Variants in ECHDC1 observed in about 807,000 individuals in gnomAD.
ECHDC1 encodes the protein ethylmalonyl-CoA decarboxylase 1, also known as ethylmalonyl-CoA decarboxylase.
ECHDC1 carries 29 observed loss-of-function variants against 29.7 expected under a neutral mutation model. The observed-to-expected ratio is 0.98, with a 90% confidence interval of 0.73 to 1.33. ECHDC1 has a LOEUF of 1.33. Ranked by LOEUF, ECHDC1 falls within the 40% of genes most tolerant of loss-of-function variation. The pLI is 0.00. For synonymous variants in ECHDC1, 126 were observed against 123.1 expected (o/e 1.02, Z -0.15); for missense variants, 328 against 350.0 (o/e 0.94, Z 0.50).
At chr6:127,324,687 T>C (rs1355205327) in intron 3 of ECHDC1, among the ~76,000 whole-genome samples, 1 of 152,080 alleles carries the variant, frequency 6.6e-6, no homozygotes, top group East Asian at 1.9e-4. Context: ...TACTAGAAAG[T>C]AAGGGAGTAC....
Position 127,289,752 on chromosome 6 carries a change from T to C in ECHDC1, c.*117A>G. On this transcript the variant is annotated 3_prime_UTR_variant, in exon 6 of 6. Transcript: ENST00000454859. ...AGATATTCAAATGATTAAAAGTAAG[T>C]CTGCATATTAATAGTAGCCTTCAAA... 9.7e-7 allele frequency: 1 copy of C among 1,028,686 alleles called. No homozygotes were observed. The allele number at this position is 1,028,686 out of a possible 1,614,324, so 63.7% of individuals were successfully genotyped here.
chr6:127,306,479 C>T (rs549417966), intron 5 of ECHDC1, among the ~76,000 whole-genome samples: 1 of 152,156 alleles, frequency 6.6e-6, no homozygotes, highest in Admixed American at 6.5e-5. Flanking sequence ...GGCAGCCTTC[C>T]CCCTTGGTGT....
intron 3 of ECHDC1, among the ~76,000 whole-genome samples, chr6:127,321,092 T>TA: frequency 6.6e-6 from 1 of 152,256 alleles, no homozygotes; most frequent in East Asian, 1.9e-4. Flanking sequence ...ATTTTTATGA[T>TA]AAAAAAGCCA....
At chr6:127,323,794 T>G (rs1783054319) in intron 3 of ECHDC1, among the ~76,000 whole-genome samples, 1 of 152,160 alleles carries the variant, frequency 6.6e-6, no homozygotes, top group South Asian at 2.1e-4. Context: ...TTCATTTCCT[T>G]CCTTTCTTTT....
chr6:127,305,026 C>T (rs1246691599), intron 5 of ECHDC1, among the ~76,000 whole-genome samples: 2 of 152,046 alleles, frequency 1.3e-5, no homozygotes, highest in African/African-American at 4.8e-5. Flanking sequence ...GCTTCCAACA[C>T]CTAGAGATAG....
At chr6:127,310,886 C>T (rs965857842) in intron 5 of ECHDC1, among the ~76,000 whole-genome samples, 1 of 151,934 alleles carries the variant, frequency 6.6e-6, no homozygotes, top group South Asian at 2.1e-4. Flanking sequence ...GATCAGTTAG[C>T]TGCCATCAAA....
chr6:127,332,144 CCT>C (rs1443131441), intron 1 of ECHDC1, among the ~76,000 whole-genome samples: 2 of 152,096 alleles, frequency 1.3e-5, no homozygotes, highest in African/African-American at 2.4e-5. Flanking sequence ...CTCACAAGAT[CCT>C]CTGTGTCACC....
rs1779850300 is a variant in ECHDC1 at position 127,288,848 on chromosome 6, A to G, written c.*1021T>C. 2 of 152,164 alleles carry G rather than the reference A, an allele frequency of 1.3e-5. No homozygotes were observed. The highest frequency in any genetic ancestry group is 4.1e-4 in the South Asian group (2 of 4,826). The allele number at this position is 152,164 out of a possible 1,614,324, so 9.4% of individuals were successfully genotyped here. A position where few individuals can be genotyped will look rare whatever the true frequency, so the allele number is the denominator to read the frequency against. Reference sequence around the variant, plus strand: ...TGTCTAACCATATTTTCCTAACTCAACAGTAGGATCATGATGGTAAGGCAA... The same window carrying G: ...TGTCTAACCATATTTTCCTAACTCAGCAGTAGGATCATGATGGTAAGGCAA... On this transcript the variant is annotated 3_prime_UTR_variant, in exon 6 of 6. Transcript: ENST00000454859.
At chr6:127,307,323 A>C (rs1427878994) in intron 5 of ECHDC1, among the ~76,000 whole-genome samples, 1 of 152,156 alleles carries the variant, frequency 6.6e-6, no homozygotes, top group Non-Finnish European at 1.5e-5. Flanking sequence ...AGCAGAAATA[A>C]ATGAAATCTA....
chr6:127,313,330 A>G (rs1582963442), intron 5 of ECHDC1: 1 of 216,786 alleles, frequency 4.6e-6, no homozygotes, highest in East Asian at 1.1e-4. Context: ...CAGACTCCCA[A>G]GTTGTAGGAC....
chr6:127,295,869 T>C (rs550731194), intron 5 of ECHDC1, among the ~76,000 whole-genome samples: 1 of 152,282 alleles, frequency 6.6e-6, no homozygotes, highest in Non-Finnish European at 1.5e-5. Flanking sequence ...CAGACCTAAC[T>C]GCAAGTGGAA....
intron 1 of ECHDC1, chr6:127,342,248 G>T: frequency 1.7e-6 from 2 of 1,148,834 alleles, no homozygotes; most frequent in Non-Finnish European, 2.4e-6. Flanking sequence ...AGCTGCAAGA[G>T]GGCATTTGCA....
intron 3 of ECHDC1, among the ~76,000 whole-genome samples, chr6:127,320,064 C>A (rs1414903481): frequency 1.3e-5 from 2 of 152,098 alleles, no homozygotes; most frequent in African/African-American, 4.8e-5. Context: ...GTCTCCCAGG[C>A]TGAAGTGCAG....
At position 127,316,449 on chromosome 6, in the gene ECHDC1, C is replaced by T; in HGVS notation, c.416+1G>A. 1 of 1,601,332 alleles carries T rather than the reference C, an allele frequency of 6.2e-7. No individual in the cohort carries two copies. The highest frequency in any genetic ancestry group is 2.2e-5 in the East Asian group (1 of 44,462). On this transcript the variant is annotated splice_donor_variant, in intron 4 of 5. Coordinates refer to ENST00000454859, the MANE Select transcript of ECHDC1 (RefSeq NM_001002030.2). LOFTEE classifies it high-confidence loss of function. The stretch of plus-strand genomic sequence containing the variant: ...ATATTTTAAAAAGAAGGCTGCATTA[C>T]CTCATAAATCTTGTTAAGGTGTTTT...
chr6:127,301,810 G>A (rs761148576), intron 5 of ECHDC1, among the ~76,000 whole-genome samples: 1 of 152,120 alleles, frequency 6.6e-6, no homozygotes, highest in African/African-American at 2.4e-5. Flanking sequence ...CTTTCTAATC[G>A]ATTGCAGACC....
At chr6:127,293,525 T>C (rs548633382) in intron 5 of ECHDC1, among the ~76,000 whole-genome samples, 2 of 152,258 alleles carry the variant, frequency 1.3e-5, no homozygotes, top group African/African-American at 2.4e-5. Context: ...GGAAGATTCA[T>C]CTCTAGATCT....
chr6:127,314,709 T>C, intron 5 of ECHDC1, 107 bp downstream of exon 5: 1 of 765,924 alleles, frequency 1.3e-6, no homozygotes. Context: ...GAAAAGAAAA[T>C]AGGTTTATCC....
At chr6:127,340,634 C>T (rs1009745800) in intron 1 of ECHDC1, among the ~76,000 whole-genome samples, 1 of 151,686 alleles carries the variant, frequency 6.6e-6, no homozygotes, top group Non-Finnish European at 1.5e-5. Flanking sequence ...GAAGATACAA[C>T]CCAATGAAGC....
At position 127,315,066 on chromosome 6, in the gene ECHDC1, GAAGA is replaced by G. The variant is rs1782252281; in HGVS notation, c.417-174_417-171del. On this transcript the variant is annotated intron_variant, in intron 4 of 5. Coordinates refer to ENST00000454859, the MANE Select transcript of ECHDC1 (RefSeq NM_001002030.2). ...AGAAGCTTGAACCTTTACATCATGA[GAAGA>G]AAAACAGTGTAATACTAAACATACA... is the stretch of plus-strand genomic sequence containing the variant. 1.1e-5 allele frequency: 8 copies of G among 716,960 alleles called. No individual in the cohort carries two copies. The South Asian group carries it at 1.2e-4, about 11-fold the overall frequency. 44.4% of individuals were successfully genotyped at this position (716,960 alleles called of 1,614,324 possible). A position where few individuals can be genotyped will look rare whatever the true frequency, so the allele number is the denominator to read the frequency against.
Sources: gnomAD v4.1 joint callset for allele counts (sites outside exome capture counted in the v4.1 genomes callset) on GRCh38, gnomAD v4.1.1 for gene constraint, MANE v1.5 for transcripts, NCBI Gene and HGNC (gene_info 2026-07-23, HGNC 2026-07-21) for gene names.